Variants in PSD3 observed in about 807,000 individuals in gnomAD.
PSD3 encodes the protein PH and SEC7 domain-containing protein 3.
In PSD3, 49 loss-of-function variants were observed where a neutral mutation model predicts 105.5. That is an observed-to-expected ratio of 0.46 (90% CI 0.37 to 0.59). The LOEUF is 0.59. Among genes scored for constraint, PSD3 ranks in the 20% least tolerant of loss-of-function variants. The probability of loss-of-function intolerance (pLI) is 0.00; values close to 1 mark genes in which losing one functional copy is unlikely to be tolerated. For synonymous variants in PSD3, 557 were observed against 457.8 expected (o/e 1.22, Z -2.77); for missense variants, 1,561 against 1,263.8 (o/e 1.24, Z -3.57).
intron 11 of PSD3, among the ~76,000 whole-genome samples, chr8:18,615,281 C>G (rs112471123): frequency 0.21 from 31,711 of 152,058 alleles, 3,479 homozygotes; most frequent in Non-Finnish European, 0.26. Flanking sequence ...TCTGCCCTGA[C>G]TCCTGCCAAA....
At chr8:18,888,805 G>T (rs1818596728) in intron 2 of PSD3, among the ~76,000 whole-genome samples, 1 of 152,132 alleles carries the variant, frequency 6.6e-6, no homozygotes, top group South Asian at 2.1e-4. Context: ...TGGATTTGTT[G>T]GGCAAGCCTT....
chr8:18,972,295 T>G (rs1824699041), intron 1 of PSD3, among the ~76,000 whole-genome samples: 1 of 152,200 alleles, frequency 6.6e-6, no homozygotes, highest in African/African-American at 2.4e-5. Flanking sequence ...GCAATGATAC[T>G]AAATACAACG....
chr8:19,035,616 A>G (rs895553957), intron 1 of PSD3, among the ~76,000 whole-genome samples: 3 of 152,206 alleles, frequency 2.0e-5, no homozygotes, highest in Admixed American at 2.0e-4. Flanking sequence ...TCTGGGCCTC[A>G]AGCAATCCTA....
rs1248250546 is a variant in PSD3, at chr8:18,530,418, T to C, written c.*5325A>G. 6.6e-6 allele frequency: 1 copy of C among 152,534 alleles called. No individual in the cohort carries two copies. The highest frequency in any genetic ancestry group is 1.5e-5 in the Non-Finnish European group (1 of 68,048). The allele number at this position is 152,534 out of a possible 1,614,324, so 9.4% of individuals were successfully genotyped here. A position where few individuals can be genotyped will look rare whatever the true frequency, so the allele number is the denominator to read the frequency against. On this transcript the variant is annotated 3_prime_UTR_variant, in exon 16 of 16. Coordinates refer to ENST00000327040, the MANE Select transcript of PSD3 (RefSeq NM_015310.4). ...TACCCAATCCTGGGATGCCCTGATATACTTTAGTGCTTGTGATATTTCTTC... is the reference window on the plus strand; with the variant it reads ...TACCCAATCCTGGGATGCCCTGATACACTTTAGTGCTTGTGATATTTCTTC...
intron 12 of PSD3, among the ~76,000 whole-genome samples, chr8:18,591,392 G>T (rs1260798263): frequency 6.6e-6 from 1 of 152,170 alleles, no homozygotes; most frequent in Non-Finnish European, 1.5e-5. Flanking sequence ...TAAGAACAAA[G>T]GAAAGTGGTG....
At chr8:18,999,295 G>A (rs1047654723) in intron 1 of PSD3, among the ~76,000 whole-genome samples, 6 of 151,954 alleles carry the variant, frequency 3.9e-5, no homozygotes, top group Middle Eastern at 3.4e-3. Flanking sequence ...CAAGTTACCC[G>A]GGAAGACATG....
intron 9 of PSD3, among the ~76,000 whole-genome samples, chr8:18,735,617 T>C (rs1804094360): frequency 6.6e-6 from 1 of 152,212 alleles, no homozygotes; most frequent in Non-Finnish European, 1.5e-5. Context: ...AGCATGGTTT[T>C]TACTGGCAAC....
intron 4 of PSD3, among the ~76,000 whole-genome samples, chr8:18,819,421 C>CA (rs1180647132): frequency 6.6e-6 from 1 of 151,808 alleles, no homozygotes; most frequent in African/African-American, 2.4e-5. Context: ...TCAATAGAAA[C>CA]AAAAAAAGCC....
At chr8:18,966,216 A>G (rs141329848) in intron 1 of PSD3, among the ~76,000 whole-genome samples, 2,192 of 152,312 alleles carry the variant, frequency 0.014, 68 homozygotes, top group African/African-American at 0.05. Context: ...CATACATTCC[A>G]GGTGGACTGC....
chr8:18,643,872 C>A (rs1180110153), intron 10 of PSD3, among the ~76,000 whole-genome samples: 6 of 152,216 alleles, frequency 3.9e-5, no homozygotes, highest in Non-Finnish European at 8.8e-5. Flanking sequence ...AGAATTAGCA[C>A]CACATGGATG....
At chr8:18,676,762 C>T (rs538693074) in intron 9 of PSD3, among the ~76,000 whole-genome samples, 25 of 152,306 alleles carry the variant, frequency 1.6e-4, no homozygotes, top group East Asian at 1.9e-4. Context: ...TGTGCTTTGC[C>T]TAATAAAAAA....
intron 14 of PSD3, among the ~76,000 whole-genome samples, chr8:18,563,319 G>C (rs543919458): frequency 6.6e-6 from 1 of 151,980 alleles, no homozygotes; most frequent in African/African-American, 2.4e-5. Flanking sequence ...CAGGATCTTC[G>C]GTAAACAGTA....
At chr8:18,955,837 T>C (rs1177000934) in intron 1 of PSD3, among the ~76,000 whole-genome samples, 2 of 152,088 alleles carry the variant, frequency 1.3e-5, no homozygotes, top group African/African-American at 4.8e-5. Flanking sequence ...GGTGCGAACT[T>C]GGCTCACTTC....
rs1236039947 is a variant in PSD3 at position 18,533,366 on chromosome 8, A to G, written c.*2377T>C. On this transcript the variant is annotated 3_prime_UTR_variant, in exon 16 of 16. Coordinates refer to ENST00000327040, the MANE Select transcript of PSD3 (RefSeq NM_015310.4). The stretch of plus-strand genomic sequence containing the variant: ...GTTGTTTTTAAAGATAAACTATGCA[A>G]ACATGGTATACTGAAGCTTCAAAAG... 6.6e-6 allele frequency: 1 copy of G among 152,176 alleles called. No individual in the cohort carries two copies. The highest frequency in any genetic ancestry group is 2.4e-5 in the African/African-American group (1 of 41,438). 9.4% of individuals were successfully genotyped at this position (152,176 alleles called of 1,614,324 possible). A position where few individuals can be genotyped will look rare whatever the true frequency, so the allele number is the denominator to read the frequency against.
At chr8:18,788,143 ATTGG>A (rs1809361975) in intron 8 of PSD3, among the ~76,000 whole-genome samples, 1 of 152,192 alleles carries the variant, frequency 6.6e-6, no homozygotes, top group Non-Finnish European at 1.5e-5. Context: ...AGGAAGTGGT[ATTGG>A]TACTGAGGAC....
chr8:18,891,300 A>G lies in PSD3; in HGVS notation c.131-18567T>C, dbSNP rs1586342507. On this transcript the variant is annotated intron_variant, in intron 2 of 15. Transcript: ENST00000327040. ...CTCCTTATAATATTTTATTATGTTA[A>G]TTTGCATATATAAAATCACATAATA... Among the ~76,000 whole-genome samples the G allele has an allele frequency of 2.6e-5, 4 of 152,244 alleles. No individual in the cohort carries two copies. In the South Asian group the frequency reaches 8.3e-4, roughly 32 times the overall value.
chr8:18,784,222 C>A lies in PSD3; in HGVS notation c.2082+15073G>T, dbSNP rs748223032. ...AGTCTATTTCCTTGTTGATATCGTG[C>A]GTGGTGATTCTAAGCATTATTTAAT... On this transcript the variant is annotated intron_variant, in intron 8 of 15. Transcript: ENST00000327040. Among the ~76,000 whole-genome samples, 7 of 152,106 alleles carry A rather than the reference C, an allele frequency of 4.6e-5. No homozygotes were observed. The South Asian group carries it at 8.3e-4, about 18-fold the overall frequency.
At chr8:18,869,190 C>CTGTT (rs747960439) in intron 3 of PSD3, among the ~76,000 whole-genome samples, 12 of 119,762 alleles carry the variant, frequency 1.0e-4, no homozygotes, top group African/African-American at 3.9e-4. Flanking sequence ...CTCTCCCCTG[C>CTGTT]TTTTTTTTTT....
chr8:18,881,392 A>G (rs1031165798), intron 2 of PSD3, among the ~76,000 whole-genome samples: 3 of 152,224 alleles, frequency 2.0e-5, no homozygotes, highest in Non-Finnish European at 4.4e-5. Context: ...TCGGCTGCAG[A>G]AAAACCAGGG....
Sources: gnomAD v4.1 joint callset for allele counts (sites outside exome capture counted in the v4.1 genomes callset) on GRCh38, gnomAD v4.1.1 for gene constraint, MANE v1.5 for transcripts, NCBI Gene and HGNC (gene_info 2026-07-23, HGNC 2026-07-21) for gene names.